MDGA2: variants seen among roughly 807,000 people sequenced by gnomAD.
MDGA2 encodes the protein MAM domain containing glycosylphosphatidylinositol anchor 2, also known as MAM domain-containing glycosylphosphatidylinositol anchor protein 2.
A neutral mutation model predicts 117.8 loss-of-function variants in MDGA2; 40 were observed. The observed-to-expected ratio is 0.34, with a 90% CI of 0.26 to 0.44. The LOEUF (loss-of-function observed/expected upper bound fraction) is 0.44. Among genes scored for constraint, MDGA2 ranks in the 20% least tolerant of loss-of-function variants. The pLI is 1.00. For synonymous variants in MDGA2, 452 were observed against 439.0 expected (o/e 1.03, Z -0.37); for missense variants, 1,123 against 1,250.6 (o/e 0.90, Z 1.54).
intron 1 of MDGA2, among the ~76,000 whole-genome samples, chr14:47,564,630 G>A (rs952407107): frequency 5.3e-5 from 8 of 152,162 alleles, no homozygotes; most frequent in Non-Finnish European, 1.0e-4. Context: ...TCAGATTTGG[G>A]TGGGGACACA....
chr14:47,062,830 T>C (rs1202504648), intron 6 of MDGA2, among the ~76,000 whole-genome samples: 1 of 152,106 alleles, frequency 6.6e-6, no homozygotes, highest in Non-Finnish European at 1.5e-5. Flanking sequence ...TACTTTTAAG[T>C]CTTAAAAACT....
At chr14:46,879,800 T>C (rs1214353718) in intron 11 of MDGA2, among the ~76,000 whole-genome samples, 4 of 152,160 alleles carry the variant, frequency 2.6e-5, no homozygotes, top group African/African-American at 7.2e-5. Flanking sequence ...TTTAAAGATA[T>C]TGATATTAAT....
At chr14:47,419,806 AT>A (rs1892542402) in intron 1 of MDGA2, among the ~76,000 whole-genome samples, 2 of 152,028 alleles carry the variant, frequency 1.3e-5, no homozygotes, top group South Asian at 4.1e-4. Flanking sequence ...GGGATAAAAT[AT>A]TTTTCTAAGT....
rs1322470952 is a variant in MDGA2 at position 46,854,097 on chromosome 14, GAA to G, written c.2883+925_2883+926del. 4.0e-5 allele frequency among the ~76,000 whole-genome samples: 6 copies of G among 151,622 alleles called. No homozygotes were observed. The South Asian group carries it at 1.2e-3, about 31-fold the overall frequency. On this transcript the variant is annotated intron_variant, in intron 15 of 16. Coordinates refer to ENST00000399232, the MANE Select transcript of MDGA2 (RefSeq NM_001113498.3). The stretch of plus-strand genomic sequence containing the variant: ...AGAAGTGCAATCTCCAAAGCAATTA[GAA>G]TTTATAGATTAGATTACAAGAAAAG...
chr14:47,286,807 A>ATATATG (rs1888690835), intron 2 of MDGA2, among the ~76,000 whole-genome samples: 1 of 115,870 alleles, frequency 8.6e-6, no homozygotes, highest in East Asian at 2.6e-4. Flanking sequence ...ATATCATTAT[A>ATATATG]TATATATATA....
chr14:47,646,162 G>A (rs1208288356), intron 1 of MDGA2, among the ~76,000 whole-genome samples: 1 of 150,576 alleles, frequency 6.6e-6, no homozygotes, highest in Admixed American at 6.6e-5. Context: ...TATACTCAAT[G>A]TTAAATACAA....
intron 10 of MDGA2, among the ~76,000 whole-genome samples, chr14:46,893,039 C>T (rs1410213612): frequency 6.6e-6 from 1 of 151,874 alleles, no homozygotes; most frequent in Non-Finnish European, 1.5e-5. Flanking sequence ...CTTATAAAGA[C>T]AACTGCACAC....
intron 5 of MDGA2, among the ~76,000 whole-genome samples, chr14:47,106,002 C>A (rs1880650963): frequency 6.6e-6 from 1 of 151,562 alleles, no homozygotes; most frequent in Non-Finnish European, 1.5e-5. Flanking sequence ...TCCTGCCCAG[C>A]AATTTACTCT....
chr14:47,540,056 A>G (rs1446924480), intron 1 of MDGA2, among the ~76,000 whole-genome samples: 1 of 151,832 alleles, frequency 6.6e-6, no homozygotes. Flanking sequence ...GCTGCCGCCC[A>G]GGCTGGAGTG....
intron 1 of MDGA2, among the ~76,000 whole-genome samples, chr14:47,649,819 G>A (rs1897605494): frequency 6.6e-6 from 1 of 151,972 alleles, no homozygotes; most frequent in East Asian, 1.9e-4. Flanking sequence ...TAAATTTAGG[G>A]GATGGTGATA....
At chr14:47,491,704 TAC>T (rs1278463178) in intron 1 of MDGA2, among the ~76,000 whole-genome samples, 1 of 152,048 alleles carries the variant, frequency 6.6e-6, no homozygotes, top group African/African-American at 2.4e-5. Context: ...TCCCCAAGAA[TAC>T]CACCAGGATG....
chr14:47,178,136 T>C (rs961636830), intron 3 of MDGA2, among the ~76,000 whole-genome samples: 5 of 151,194 alleles, frequency 3.3e-5, no homozygotes, highest in East Asian at 1.9e-4. Context: ...TCCATTTTGA[T>C]AAAAAAAAAG....
At position 47,208,444 on chromosome 14, in the gene MDGA2, A is replaced by C. The variant is rs116250850; in HGVS notation, c.595+9577T>G. 4.6e-3 allele frequency among the ~76,000 whole-genome samples: 700 copies of C among 152,160 alleles called. 8 individuals carry two copies. The highest frequency in any genetic ancestry group is 0.016 in the African/African-American group (666 of 41,548). On this transcript the variant is annotated intron_variant, in intron 3 of 16. Coordinates refer to ENST00000399232, the MANE Select transcript of MDGA2 (RefSeq NM_001113498.3). Reference sequence around the variant, plus strand: ...TGGACTTTAAAATACGTGGGAAAAAAACACATTAAACATCCTCCCTTTTTT... The same window carrying C: ...TGGACTTTAAAATACGTGGGAAAAACACACATTAAACATCCTCCCTTTTTT...
intron 1 of MDGA2, among the ~76,000 whole-genome samples, chr14:47,403,939 C>T (rs1383282115): frequency 6.6e-6 from 1 of 152,038 alleles, no homozygotes; most frequent in Non-Finnish European, 1.5e-5. Context: ...TTGCTAAGGC[C>T]TCCCTGATAG....
Position 47,608,320 on chromosome 14 carries a change from C to T in MDGA2, c.280+66197G>A, listed in dbSNP as rs139270469. On this transcript the variant is annotated intron_variant, in intron 1 of 16. Transcript: ENST00000399232. ...GAAACAAATAATCCTAATTATGTAA[C>T]ATGATCCTCAGACAGACATCAGTAA... Among the ~76,000 whole-genome samples the T allele has an allele frequency of 1.5e-4, 23 of 152,216 alleles. No individual in the cohort carries two copies. The East Asian group carries it at 4.2e-3, about 28-fold the overall frequency.
At chr14:47,508,673 T>TG (rs1185966301) in intron 1 of MDGA2, among the ~76,000 whole-genome samples, 43 of 151,678 alleles carry the variant, frequency 2.8e-4, no homozygotes, top group African/African-American at 1.0e-3. Flanking sequence ...GAACACAACT[T>TG]TTTTGTTTGT....
chr14:46,845,852 C>T lies in MDGA2; in HGVS notation c.2903G>A (p.Arg968Gln), dbSNP rs867082978. 3 of 1,612,738 alleles carry T rather than the reference C, an allele frequency of 1.9e-6. No individual in the cohort carries two copies. Among genetic ancestry groups the T allele is most frequent in the Non-Finnish European group, 1.7e-6 (2 of 1,179,062 alleles). ...AATGTCACCTTCTATTCCAGGACCT[C>T]GGATACCTTCAAAAATGAGCTACAA... ...TSFQLIFEGI[R>Q]GPGIEGDIAI... Residue 968 changes from arginine (R) to glutamine (Q), a missense_variant, in exon 16 of 17, where the codon CGA (arginine) becomes CAA (glutamine). Arg to Gln is a conservative substitution (Grantham distance 43). This residue lies in a region of MDGA2 where 890 missense variants were observed against 1,050.3 expected (regional missense o/e 0.85). Coordinates refer to ENST00000399232, the MANE Select transcript of MDGA2 (RefSeq NM_001113498.3).
intron 1 of MDGA2, among the ~76,000 whole-genome samples, chr14:47,308,660 C>A (rs774193797): frequency 2.8e-5 from 4 of 143,916 alleles, no homozygotes; most frequent in Non-Finnish European, 3.1e-5. Flanking sequence ...TTAGTGTGTC[C>A]CATTAAAAAA....
chr14:47,452,400 T>C (rs1430315367), intron 1 of MDGA2, among the ~76,000 whole-genome samples: 1 of 152,138 alleles, frequency 6.6e-6, no homozygotes, highest in Non-Finnish European at 1.5e-5. Context: ...GTAAATCCTA[T>C]GAAAACTTTA....
Sources: allele counts gnomAD v4.1 joint callset (sites outside exome capture counted in the v4.1 genomes callset), GRCh38; gene constraint gnomAD v4.1.1; regional missense constraint gnomAD v4.1.1; transcripts MANE v1.5; gene names NCBI Gene and HGNC (gene_info 2026-07-23, HGNC 2026-07-21).